Variants in SGCD observed in about 807,000 individuals in gnomAD.
SGCD encodes the protein sarcoglycan delta.
SGCD carries 18 observed loss-of-function variants against 36.6 expected under a neutral mutation model. The observed-to-expected ratio is 0.49, with a 90% CI of 0.34 to 0.73. The LOEUF is 0.73. SGCD is among the 30% of genes least tolerant of loss of function. The pLI is 0.01. For synonymous variants in SGCD, 133 were observed against 130.6 expected (o/e 1.02, Z -0.12); for missense variants, 387 against 346.7 (o/e 1.12, Z -0.92).
intron 1 of SGCD, among the ~76,000 whole-genome samples, chr5:155,965,825 C>A (rs1757890271): frequency 6.6e-6 from 1 of 152,044 alleles, no homozygotes; most frequent in Non-Finnish European, 1.5e-5. Context: ...GCAAGGAGCC[C>A]CCGACCCCTT....
chr5:156,547,728 C>A (rs907814703), intron 4 of SGCD, among the ~76,000 whole-genome samples: 2 of 152,020 alleles, frequency 1.3e-5, no homozygotes, highest in East Asian at 3.9e-4. Flanking sequence ...AGGCACGAGC[C>A]GATAATATCA....
At chr5:156,416,627 T>C (rs1208633582) in intron 3 of SGCD, among the ~76,000 whole-genome samples, 1 of 152,206 alleles carries the variant, frequency 6.6e-6, no homozygotes, top group Non-Finnish European at 1.5e-5. Flanking sequence ...TGACAAGTCC[T>C]GTGTTATATG....
intron 7 of SGCD, among the ~76,000 whole-genome samples, chr5:156,740,889 TAATTGACCAAAAATAC>T (rs370500888): frequency 2.0e-3 from 298 of 152,326 alleles, no homozygotes; most frequent in African/African-American, 6.5e-3. Context: ...GCAGCTGCTT[TAATTGACCAAAAATAC>T]ACCAACTTTA....
At chr5:156,163,680 C>A (rs944810332) in intron 3 of SGCD, among the ~76,000 whole-genome samples, 1 of 151,488 alleles carries the variant, frequency 6.6e-6, no homozygotes, top group African/African-American at 2.4e-5. Context: ...TCAGAAATGA[C>A]ACGAACTGAT....
At chr5:156,703,640 T>C (rs999125128) in intron 7 of SGCD, among the ~76,000 whole-genome samples, 2 of 152,304 alleles carry the variant, frequency 1.3e-5, no homozygotes, top group East Asian at 3.9e-4. Flanking sequence ...TACTTGAACA[T>C]TTATTATGTA....
chr5:156,434,367 C>T (rs1406617003), intron 3 of SGCD, among the ~76,000 whole-genome samples: 4 of 152,192 alleles, frequency 2.6e-5, no homozygotes, highest in African/African-American at 9.7e-5. Context: ...ATTTATTAAA[C>T]ACACAGAGGG....
intron 3 of SGCD, among the ~76,000 whole-genome samples, chr5:156,456,065 G>A (rs145671049): frequency 1.7e-4 from 26 of 152,272 alleles, no homozygotes; most frequent in Non-Finnish European, 3.2e-4. Flanking sequence ...CTGTTGTTTC[G>A]AGCTACCCAG....
At chr5:156,608,549 G>A (rs1264534088) in intron 6 of SGCD, among the ~76,000 whole-genome samples, 1 of 152,204 alleles carries the variant, frequency 6.6e-6, no homozygotes. Flanking sequence ...TTCTGTAGAT[G>A]TCTATCAGGT....
chr5:156,080,643 A>C (rs1760925455), intron 1 of SGCD, among the ~76,000 whole-genome samples: 1 of 152,124 alleles, frequency 6.6e-6, no homozygotes, highest in African/African-American at 2.4e-5. Context: ...TGAAGCCCAA[A>C]CTTCCACAGA....
At chr5:155,746,281 A>G in the SGCD span, among the ~76,000 whole-genome samples, 37 of 152,260 alleles carry the variant, frequency 2.4e-4, no homozygotes, top group Middle Eastern at 3.4e-3. Flanking sequence ...TCTTGGAGTA[A>G]AGAATTCAGC....
At chr5:156,431,409 T>C (rs1753005250) in intron 3 of SGCD, among the ~76,000 whole-genome samples, 1 of 152,148 alleles carries the variant, frequency 6.6e-6, no homozygotes, top group Non-Finnish European at 1.5e-5. Flanking sequence ...TGCATTCCTG[T>C]AGGAGAAGCC....
chr5:155,821,415 C>G, the SGCD span, among the ~76,000 whole-genome samples: 8,155 of 152,122 alleles, frequency 0.054, 502 homozygotes, highest in African/African-American at 0.15. Context: ...CCAGGTTCAC[C>G]CCATTCTCTT....
intron 6 of SGCD, among the ~76,000 whole-genome samples, chr5:156,639,508 G>C (rs550593196): frequency 4.6e-5 from 7 of 152,170 alleles, no homozygotes; most frequent in Non-Finnish European, 1.0e-4. Context: ...ACTAACCACC[G>C]CTAGGCCTTC....
At chr5:156,663,711 C>T (rs1764028790) in intron 7 of SGCD, among the ~76,000 whole-genome samples, 1 of 147,540 alleles carries the variant, frequency 6.8e-6, no homozygotes, top group Non-Finnish European at 1.5e-5. Flanking sequence ...CCATATACCC[C>T]TGTAGGGATT....
In SGCD at chr5:156,460,049, T is replaced by G. The variant is rs577432574; in HGVS notation, c.193-48552T>G. ...ACCATCAATAAAGCTTCTGTTTGGC[T>G]GAGGTCTTTCCTTTCAAACCTGAGC... On this transcript the variant is annotated intron_variant, in intron 3 of 8. Transcript: ENST00000337851. 1.8e-4 allele frequency among the ~76,000 whole-genome samples: 28 copies of G among 152,304 alleles called. No individual in the cohort carries two copies. The South Asian group carries it at 1.9e-3, about 10-fold the overall frequency.
At chr5:156,670,223 G>A (rs944592996) in intron 7 of SGCD, among the ~76,000 whole-genome samples, 3 of 152,088 alleles carry the variant, frequency 2.0e-5, no homozygotes, top group East Asian at 1.9e-4. Flanking sequence ...TGGTCAGGAC[G>A]GACATGACAT....
At chr5:156,231,285 G>A (rs112923912) in intron 3 of SGCD, among the ~76,000 whole-genome samples, 6 of 152,250 alleles carry the variant, frequency 3.9e-5, no homozygotes, top group African/African-American at 1.2e-4. Flanking sequence ...CTGTAATCCC[G>A]ACATTTTGGG....
At chr5:156,624,246 C>T (rs1762359515) in intron 6 of SGCD, among the ~76,000 whole-genome samples, 1 of 151,972 alleles carries the variant, frequency 6.6e-6, no homozygotes, top group Non-Finnish European at 1.5e-5. Context: ...CACTTCTTCC[C>T]CACTTCAATA....
chr5:156,214,227 TA>T (rs560509155), intron 3 of SGCD, among the ~76,000 whole-genome samples: 27 of 152,110 alleles, frequency 1.8e-4, no homozygotes, highest in East Asian at 1.5e-3. Flanking sequence ...CACAAAAAAC[TA>T]TTAGATCTAA....
Sources: gnomAD v4.1 joint callset for allele counts (sites outside exome capture counted in the v4.1 genomes callset) on GRCh38, gnomAD v4.1.1 for gene constraint, MANE v1.5 for transcripts, NCBI Gene and HGNC (gene_info 2026-07-23, HGNC 2026-07-21) for gene names.